Variants in FMN2 observed in about 807,000 individuals in gnomAD.
FMN2 encodes formin 2, also known as formin-2.
Under a neutral mutation model 142.3 loss-of-function variants are expected in FMN2, and 51 were observed. The ratio of observed to expected loss-of-function variants is 0.36; its 90% CI spans 0.29 to 0.45. The LOEUF (loss-of-function observed/expected upper bound fraction) is 0.45. FMN2 is among the 20% of genes least tolerant of loss of function. The pLI, the probability that FMN2 is intolerant of heterozygous loss-of-function variation, is 1.00. For synonymous variants in FMN2, 882 were observed against 869.8 expected, an observed-to-expected ratio of 1.01 and a Z score of -0.25; for missense variants, 1,936 against 2,122.8, an observed-to-expected ratio of 0.91 and a Z score of 1.73.
intron 2 of FMN2, among the ~76,000 whole-genome samples, chr1:240,150,660 G>C (rs971075188): frequency 6.6e-6 from 1 of 152,272 alleles, no homozygotes; most frequent in African/African-American, 2.4e-5. Flanking sequence ...CTAGTGACCC[G>C]TTTAATGCTA....
At chr1:240,353,284 C>A (rs1672157540) in intron 13 of FMN2, among the ~76,000 whole-genome samples, 1 of 152,212 alleles carries the variant, frequency 6.6e-6, no homozygotes, top group Non-Finnish European at 1.5e-5. Flanking sequence ...CTCATAGTGG[C>A]TGATCATCAC....
chr1:240,153,346 G>A (rs988813346), intron 2 of FMN2, among the ~76,000 whole-genome samples: 2 of 149,184 alleles, frequency 1.3e-5, no homozygotes, highest in Non-Finnish European at 3.0e-5. Flanking sequence ...AATCTCACTC[G>A]GTTCTCAAAA....
At chr1:240,188,010 G>A (rs898403374) in intron 3 of FMN2, among the ~76,000 whole-genome samples, 197 bp from the exon 4 acceptor site, 2 of 152,102 alleles carry the variant, frequency 1.3e-5, no homozygotes, top group African/African-American at 4.8e-5. Context: ...AATGACATGA[G>A]CATTCTCATT....
chr1:240,360,415 C>A (rs1332451517), intron 14 of FMN2, among the ~76,000 whole-genome samples: 1 of 152,206 alleles, frequency 6.6e-6, no homozygotes, highest in Non-Finnish European at 1.5e-5. Flanking sequence ...CAGATCTTTA[C>A]CCACATGCTC....
chr1:240,451,093 C>T lies in FMN2; in HGVS notation c.5060+12883C>T, dbSNP rs936146536. ...TTTAAAAGCATTTGTCTTGGCTGGG[C>T]GCAGTGGCTCACGCCTGTAATCCTA... On this transcript the variant is annotated intron_variant, in intron 16 of 17. Coordinates refer to ENST00000319653, the MANE Select transcript of FMN2 (RefSeq NM_020066.5). Among the ~76,000 whole-genome samples the T allele has an allele frequency of 9.2e-5, 14 of 152,088 alleles. No homozygotes were observed. In the South Asian group the frequency reaches 1.9e-3, roughly 20 times the overall value.
At chr1:240,212,524 C>G (rs969714524) in intron 6 of FMN2, among the ~76,000 whole-genome samples, 1 of 152,132 alleles carries the variant, frequency 6.6e-6, no homozygotes, top group Non-Finnish European at 1.5e-5. Flanking sequence ...TTAAATTAAT[C>G]AGCTGACTAA....
chr1:240,392,446 G>A (rs550623491), intron 14 of FMN2, 65 bp from the exon 15 acceptor site: 1 of 1,321,182 alleles, frequency 7.6e-7, no homozygotes, highest in African/African-American at 1.5e-5. Context: ...TAGGGCAGAT[G>A]TTGCTTGAAA....
At chr1:240,458,186 G>A (rs575314890) in intron 16 of FMN2, 3 of 152,302 alleles carry the variant, frequency 2.0e-5, no homozygotes, top group South Asian at 2.1e-4. Context: ...GATAAACAGC[G>A]TATGTGTCAC....
intron 7 of FMN2, among the ~76,000 whole-genome samples, chr1:240,271,329 T>A (rs1669006491): frequency 6.6e-6 from 1 of 151,732 alleles, no homozygotes; most frequent in South Asian, 2.1e-4. Flanking sequence ...AGTTCATTCA[T>A]CATCATTTGT....
At chr1:240,272,571 A>C (rs1443614787) in intron 7 of FMN2, among the ~76,000 whole-genome samples, 1 of 152,152 alleles carries the variant, frequency 6.6e-6, no homozygotes, top group African/African-American at 2.4e-5. Context: ...ACCTTTATCC[A>C]GTTGGATGAA....
At chr1:240,309,127 A>C (rs538766803) in intron 8 of FMN2, among the ~76,000 whole-genome samples, 1 of 152,210 alleles carries the variant, frequency 6.6e-6, no homozygotes, top group Non-Finnish European at 1.5e-5. Flanking sequence ...TGATTAACCT[A>C]TGATGGAAGA....
chr1:240,266,402 A>G (rs747951706), intron 7 of FMN2, among the ~76,000 whole-genome samples: 6 of 151,940 alleles, frequency 3.9e-5, no homozygotes, highest in Non-Finnish European at 5.9e-5. Context: ...GGATGACGGT[A>G]GATGTGTGGC....
chr1:240,370,538 T>C (rs1256917076), intron 14 of FMN2, among the ~76,000 whole-genome samples: 7 of 152,204 alleles, frequency 4.6e-5, no homozygotes, highest in Admixed American at 4.6e-4. Context: ...GCCCGAAATG[T>C]TGAGCTGCTG....
At chr1:240,281,367 T>TA (rs1229617532) in intron 7 of FMN2, among the ~76,000 whole-genome samples, 5 of 152,276 alleles carry the variant, frequency 3.3e-5, no homozygotes, top group South Asian at 2.1e-4. Flanking sequence ...TAGGATATTA[T>TA]AAAAAATGCA....
intron 3 of FMN2, among the ~76,000 whole-genome samples, chr1:240,187,619 A>G (rs1183405497): frequency 6.6e-6 from 1 of 152,354 alleles, no homozygotes; most frequent in East Asian, 1.9e-4. Flanking sequence ...TCGCTTACGA[A>G]AAGAAATCCC....
chr1:240,099,259 CTT>C (rs894326578), intron 1 of FMN2, among the ~76,000 whole-genome samples: 10 of 151,824 alleles, frequency 6.6e-5, no homozygotes, highest in African/African-American at 1.9e-4. Flanking sequence ...GTATACAAAA[CTT>C]AGCAGGATAT....
intron 1 of FMN2, among the ~76,000 whole-genome samples, chr1:240,122,676 G>A (rs1662332172): frequency 2.0e-5 from 3 of 152,130 alleles, no homozygotes; most frequent in Non-Finnish European, 4.4e-5. Flanking sequence ...TAGCTACTTG[G>A]GAGGCTGAGG....
intron 1 of FMN2, among the ~76,000 whole-genome samples, chr1:240,099,653 G>T (rs1261403745): frequency 1.3e-5 from 2 of 152,074 alleles, no homozygotes; most frequent in Non-Finnish European, 2.9e-5. Context: ...CCTTTGTCTT[G>T]CAGCTTTACC....
chr1:240,331,217 A>G (rs1449712745), intron 11 of FMN2, among the ~76,000 whole-genome samples: 1 of 152,164 alleles, frequency 6.6e-6, no homozygotes, highest in Non-Finnish European at 1.5e-5. Context: ...TAAACAAAAT[A>G]TAAAAGGTGA....
Sources: gnomAD v4.1 joint callset for allele counts (sites outside exome capture counted in the v4.1 genomes callset) on GRCh38, gnomAD v4.1.1 for gene constraint, MANE v1.5 for transcripts, NCBI Gene and HGNC (gene_info 2026-07-23, HGNC 2026-07-21) for gene names.